Variants in NHLRC2 observed in about 807,000 individuals in gnomAD.
NHLRC2 encodes NHL repeat containing 2, also known as NHL repeat-containing protein 2.
Under a neutral mutation model 68.1 loss-of-function variants are expected in NHLRC2, and 33 were observed. The observed-to-expected ratio is 0.48, with a 90% CI of 0.37 to 0.65. NHLRC2 has a LOEUF of 0.65. Ranked by LOEUF, NHLRC2 falls within the 30% of genes least tolerant of loss-of-function variation. The pLI, the probability that NHLRC2 is intolerant of heterozygous loss-of-function variation, is 0.00. For missense variants in NHLRC2, 761 were observed against 853.8 expected (o/e 0.89, Z 1.35); for synonymous variants, 311 against 309.6 (o/e 1.00, Z -0.05).
chr10:113,901,634 G>A, intron 6 of NHLRC2, 32 bp from the exon 7 acceptor site: 1 of 1,374,244 alleles, frequency 7.3e-7, no homozygotes, highest in Non-Finnish European at 1.0e-6. Context: ...TATACCACAT[G>A]TTGACTCCAC....
chr10:113,903,564 C>G lies in NHLRC2; in HGVS notation c.1532C>G (p.Thr511Arg). 1 of 1,611,638 alleles carries G rather than the reference C, an allele frequency of 6.2e-7. No homozygotes were observed. The highest frequency in any genetic ancestry group is 8.5e-7 in the Non-Finnish European group (1 of 1,178,748). The change falls in exon 9 of 11, where the codon ACA (threonine) becomes AGA (arginine). Residue 511 changes from threonine to arginine, a missense_variant. Physicochemically the swap from Thr to Arg is moderately conservative, Grantham distance 71. Coordinates refer to ENST00000369301, the MANE Select transcript of NHLRC2 (RefSeq NM_198514.4). ...VVDPKTKNCT[T>R]LAGTGDTNNV... ...GATCCAAAAACAAAAAACTGTACAA[C>G]ATTAGCAGGAACTGGAGACACAAAT...
rs1232469331 is a variant in NHLRC2, at chr10:113,901,744, G to A, written c.1218G>A (p.Lys406=). The A allele has an allele frequency of 3.1e-6, 5 of 1,614,070 alleles. No individual in the cohort carries two copies. Among genetic ancestry groups the A allele is most frequent in the East Asian group, 2.2e-5 (1 of 44,900 alleles). The change falls in exon 7 of 11, where the codon AAG becomes AAA. Residue 406 remains lysine (K), a synonymous_variant. Coordinates refer to ENST00000369301, the MANE Select transcript of NHLRC2 (RefSeq NM_198514.4). ...ATCGAAACAATGCCTATCCTCACAA[G>A]GCAGGTTTTGCCCAACCTTCAGGCC... ...EENRNNAYPH[K]AGFAQPSGLS...
chr10:113,901,471 G>A (rs982087338), intron 6 of NHLRC2, among the ~76,000 whole-genome samples, 195 bp from the exon 7 acceptor site: 3 of 152,210 alleles, frequency 2.0e-5, no homozygotes, highest in Non-Finnish European at 4.4e-5. Context: ...TCCCTACACA[G>A]TGGGTAAATA....
intron 2 of NHLRC2, among the ~76,000 whole-genome samples, chr10:113,873,812 C>G (rs1845952150): frequency 6.6e-6 from 1 of 151,962 alleles, no homozygotes; most frequent in African/African-American, 2.4e-5. Flanking sequence ...CTCATCTGGC[C>G]CAGAAATTAG....
intron 5 of NHLRC2, among the ~76,000 whole-genome samples, chr10:113,890,776 C>G (rs1370637127): frequency 6.6e-6 from 1 of 152,110 alleles, no homozygotes; most frequent in Non-Finnish European, 1.5e-5. Flanking sequence ...TTAGTCCATT[C>G]TCATACTGCT....
At chr10:113,856,561 G>GT (rs1407607605) in intron 1 of NHLRC2, among the ~76,000 whole-genome samples, 3 of 152,152 alleles carry the variant, frequency 2.0e-5, no homozygotes, top group Admixed American at 6.5e-5. Flanking sequence ...TAGTTATATA[G>GT]TAAGTACACT....
chr10:113,865,292 C>CCG (rs1486141554), intron 2 of NHLRC2, among the ~76,000 whole-genome samples: 2 of 140,882 alleles, frequency 1.4e-5, no homozygotes, highest in African/African-American at 5.2e-5. Context: ...CCCCCCCCCC[C>CCG]GTTCCTCTCA....
rs534898330 is a variant in NHLRC2, at chr10:113,911,980, T to C, written c.*3444T>C. 3 of 152,254 alleles carry C rather than the reference T, an allele frequency of 2.0e-5. No homozygotes were observed. Among genetic ancestry groups the C allele is most frequent in the Admixed American group, 6.5e-5 (1 of 15,288 alleles). 9.4% of individuals were successfully genotyped at this position (152,254 alleles called of 1,614,324 possible). A position where few individuals can be genotyped will look rare whatever the true frequency, so the allele number is the denominator to read the frequency against. On this transcript the variant is annotated 3_prime_UTR_variant, in exon 11 of 11. Coordinates refer to ENST00000369301, the MANE Select transcript of NHLRC2 (RefSeq NM_198514.4). ...AAGTTAACTGAATCGTAAGCACTTA[T>C]ATAATAACTTTTTAAAAGTCATTTT... is the stretch of plus-strand genomic sequence containing the variant.
intron 3 of NHLRC2, 35 bp from the exon 4 acceptor site, chr10:113,879,539 T>A (rs917517243): frequency 1.3e-6 from 2 of 1,556,688 alleles, no homozygotes; most frequent in South Asian, 1.2e-5. Flanking sequence ...TACCTTGAGA[T>A]CACTTCTTAA....
At chr10:113,873,370 A>G (rs1845947643) in intron 2 of NHLRC2, among the ~76,000 whole-genome samples, 1 of 152,108 alleles carries the variant, frequency 6.6e-6, no homozygotes, top group Non-Finnish European at 1.5e-5. Context: ...CAAAACTAAG[A>G]TGTAGAGTTT....
intron 2 of NHLRC2, among the ~76,000 whole-genome samples, chr10:113,861,061 T>A (rs1845812182): frequency 6.6e-6 from 1 of 152,122 alleles, no homozygotes; most frequent in Non-Finnish European, 1.5e-5. Context: ...CATACCCTCA[T>A]AGGTCAGGGG....
chr10:113,888,324 CAG>C (rs1846100917), intron 5 of NHLRC2, among the ~76,000 whole-genome samples: 1 of 151,966 alleles, frequency 6.6e-6, no homozygotes, highest in Admixed American at 6.6e-5. Context: ...TTGCACCACA[CAG>C]AAAAAAATGT....
At chr10:113,901,021 G>C (rs1465980705) in intron 6 of NHLRC2, among the ~76,000 whole-genome samples, 1 of 152,074 alleles carries the variant, frequency 6.6e-6, no homozygotes, top group African/African-American at 2.4e-5. Flanking sequence ...CATTGCAATA[G>C]TTCCTTAAAT....
At position 113,855,009 on chromosome 10, in the gene NHLRC2, A is replaced by T; in HGVS notation, c.137A>T (p.Asp46Val). The change falls in exon 1 of 11, where the codon GAC (aspartate) becomes GTC (valine). Residue 46 changes from aspartate to valine, a missense_variant. Transcript: ENST00000369301. ...SLVYQYLQKV[D>V]GWEQDLSVPE... ...GTCTACCAGTATCTGCAGAAGGTGG[A>T]CGGCTGGGAGCAGGACTTGTCAGTA... The T allele has an allele frequency of 6.4e-7, 1 of 1,553,392 alleles. No homozygotes were observed. Among genetic ancestry groups the T allele is most frequent in the South Asian group, 1.2e-5 (1 of 84,146 alleles).
intron 1 of NHLRC2, among the ~76,000 whole-genome samples, chr10:113,858,000 C>G (rs553147434): frequency 5.4e-5 from 8 of 147,252 alleles, no homozygotes; most frequent in African/African-American, 1.7e-4. Flanking sequence ...CCATTTGTAT[C>G]TAATTGTTTA....
intron 5 of NHLRC2, among the ~76,000 whole-genome samples, chr10:113,889,607 C>T (rs1846113615): frequency 6.6e-6 from 1 of 151,878 alleles, no homozygotes; most frequent in African/African-American, 2.4e-5. Flanking sequence ...AAAATTTACC[C>T]TTATTAGGTA....
At position 113,900,560 on chromosome 10, in the gene NHLRC2, G is replaced by A. The variant is rs564801691; in HGVS notation, c.1140-1106G>A. On this transcript the variant is annotated intron_variant, in intron 6 of 10. Coordinates refer to ENST00000369301, the MANE Select transcript of NHLRC2 (RefSeq NM_198514.4). ...TATCTTTATTACCGATCTTCAGGTA[G>A]TAATGACCCTTAGCATTTTAAAAGT... Among the ~76,000 whole-genome samples, 13 of 152,270 alleles carry A rather than the reference G, an allele frequency of 8.5e-5. No homozygotes were observed. The South Asian group carries it at 2.5e-3, about 29-fold the overall frequency.
intron 5 of NHLRC2, among the ~76,000 whole-genome samples, chr10:113,897,682 G>T (rs1385910127): frequency 2.6e-5 from 4 of 152,222 alleles, no homozygotes; most frequent in Non-Finnish European, 4.4e-5. Flanking sequence ...ATTGTGGAAA[G>T]CTTTTGATGT....
chr10:113,871,015 CTTTTTTTTTTTTT>C (rs1169108158), intron 2 of NHLRC2, among the ~76,000 whole-genome samples: 5 of 65,752 alleles, frequency 7.6e-5, no homozygotes, highest in Non-Finnish European at 1.2e-4. Flanking sequence ...CTTCCTGCAT[CTTTTTTTTTTTTT>C]TTTTTTTTTT....
Sources: gnomAD v4.1 joint callset for allele counts (sites outside exome capture counted in the v4.1 genomes callset) on GRCh38, gnomAD v4.1.1 for gene constraint, MANE v1.5 for transcripts, NCBI Gene and HGNC (gene_info 2026-07-23, HGNC 2026-07-21) for gene names.